Variants in FAM184B observed in about 807,000 individuals in gnomAD.
FAM184B encodes the protein protein FAM184B.
Under a neutral mutation model 135.9 loss-of-function variants are expected in FAM184B, and 111 were observed. The ratio of observed to expected loss-of-function variants is 0.82; its 90% CI spans 0.70 to 0.96. The LOEUF is 0.96. Among genes scored for constraint, FAM184B ranks in the 40% least tolerant of loss-of-function variants. The pLI, the probability that FAM184B is intolerant of heterozygous loss-of-function variation, is 0.00. For missense variants in FAM184B, 1,375 were observed against 1,323.9 expected, an observed-to-expected ratio of 1.04 and a Z score of -0.60; for synonymous variants, 552 against 524.8, an observed-to-expected ratio of 1.05 and a Z score of -0.71.
chr4:17,707,466 G>A (rs899302984), intron 3 of FAM184B, among the ~76,000 whole-genome samples, 183 bp downstream of exon 3: 2 of 152,142 alleles, frequency 1.3e-5, no homozygotes, highest in African/African-American at 2.4e-5. Flanking sequence ...CTCCAGGTGA[G>A]GCAGCTGTAG....
chr4:17,670,668 T>A (rs1017726527), intron 7 of FAM184B, among the ~76,000 whole-genome samples: 1 of 152,224 alleles, frequency 6.6e-6, no homozygotes, highest in African/African-American at 2.4e-5. Context: ...ATACATTATC[T>A]CATGGATGCA....
chr4:17,653,076 C>G (rs1457389774), intron 10 of FAM184B, 93 bp from the exon 11 acceptor site: 1 of 1,244,804 alleles, frequency 8.0e-7, no homozygotes, highest in Non-Finnish European at 1.1e-6. Context: ...CCAGGATGCT[C>G]TGAACACTCG....
chr4:17,744,461 TCA>T (rs57912683), intron 1 of FAM184B, among the ~76,000 whole-genome samples: 1,870 of 140,952 alleles, frequency 0.013, 26 homozygotes, highest in African/African-American at 0.036. Flanking sequence ...TCTCTCTCTC[TCA>T]CACACACACA....
Position 17,713,308 on chromosome 4 carries a change from C to A in FAM184B, c.142-3664G>T, listed in dbSNP as rs530252791. The stretch of plus-strand genomic sequence containing the variant: ...TACCTTGAGGACCATGAATCCAACA[C>A]TCTGTCATGGACAGGAGAAGGAAGT... On this transcript the variant is annotated intron_variant, in intron 1 of 17. Transcript: ENST00000265018. 2.6e-5 allele frequency among the ~76,000 whole-genome samples: 4 copies of A among 152,336 alleles called. No individual in the cohort carries two copies. The South Asian group carries it at 8.3e-4, about 32-fold the overall frequency.
chr4:17,647,235 G>C (rs1715492305), intron 12 of FAM184B, among the ~76,000 whole-genome samples: 1 of 147,700 alleles, frequency 6.8e-6, no homozygotes, highest in South Asian at 2.1e-4. Flanking sequence ...GAATGACCAA[G>C]TACCCAGAGC....
At chr4:17,638,006 C>T (rs1310993989) in intron 14 of FAM184B, among the ~76,000 whole-genome samples, 3 of 151,536 alleles carry the variant, frequency 2.0e-5, no homozygotes, top group East Asian at 1.9e-4. Context: ...TCACTGATGC[C>T]TCAGGAGTGC....
At chr4:17,712,362 A>G (rs1358580967) in intron 1 of FAM184B, among the ~76,000 whole-genome samples, 1 of 152,208 alleles carries the variant, frequency 6.6e-6, no homozygotes, top group Admixed American at 6.5e-5. Flanking sequence ...CCTCACTGAG[A>G]ACAATGCAAG....
rs778785791 is a variant in FAM184B, at chr4:17,636,548, CCTCT to C, written c.2760_2763del (p.Glu921ThrfsTer37). On this transcript the variant is annotated frameshift_variant, in exon 15 of 18. Transcript: ENST00000265018. LOFTEE classifies it high-confidence loss of function. ...CTCACCGTGAGCTGCTTGATGATGT[CCTCT>C]CTCTCCTTCAGGCGGGTCTGCAGGC... 17 of 1,550,934 alleles carry C rather than the reference CCTCT, an allele frequency of 1.1e-5. No homozygotes were observed. The highest frequency in any genetic ancestry group is 2.0e-5 in the Admixed American group (1 of 50,996).
chr4:17,699,395 T>C (rs1716934054), intron 5 of FAM184B, among the ~76,000 whole-genome samples: 3 of 152,026 alleles, frequency 2.0e-5, no homozygotes, highest in Admixed American at 2.0e-4. Flanking sequence ...AATCACATCA[T>C]GGCATATCAT....
intron 10 of FAM184B, among the ~76,000 whole-genome samples, chr4:17,657,553 G>A (rs779306288): frequency 2.0e-5 from 3 of 152,068 alleles, no homozygotes; most frequent in Non-Finnish European, 2.9e-5. Flanking sequence ...GGTAGAAGGC[G>A]CTGGATGAAA....
At chr4:17,688,301 TGG>T in intron 7 of FAM184B, 121 bp downstream of exon 7, 1 of 664,554 alleles carries the variant, frequency 1.5e-6, no homozygotes, top group Middle Eastern at 4.0e-4. Flanking sequence ...CCGGGCATTT[TGG>T]CAGTGTCGAG....
At chr4:17,640,316 CAAAAA>C (rs376386841) in intron 13 of FAM184B, among the ~76,000 whole-genome samples, 292 of 133,856 alleles carry the variant, frequency 2.2e-3, no homozygotes, top group African/African-American at 5.0e-3. Flanking sequence ...ACTAAAAATA[CAAAAA>C]AAAAAAAAAA....
Position 17,642,147 on chromosome 4 carries a change from C to T in FAM184B, c.2428G>A (p.Glu810Lys). The T allele has an allele frequency of 1.3e-6, 2 of 1,533,648 alleles. No individual in the cohort carries two copies. The highest frequency in any genetic ancestry group is 1.7e-6 in the Non-Finnish European group (2 of 1,145,562). ...ACCGCGTCCTGGAGCTGCGCGTTCT[C>T]CTCCCAGAGCCCGCATCCCTCGCCG... Reference protein sequence around the residue: ...GSGEGCGLWEENAQLQDAVRR... With the variant: ...GSGEGCGLWEKNAQLQDAVRR... The change falls in exon 13 of 18, where the codon GAG (glutamate) becomes AAG (lysine). Residue 810 changes from glutamate to lysine, a missense_variant. Glu to Lys is a moderately conservative substitution (Grantham distance 56). Transcript: ENST00000265018.
At chr4:17,646,907 A>G (rs909153051) in intron 12 of FAM184B, among the ~76,000 whole-genome samples, 2 of 151,904 alleles carry the variant, frequency 1.3e-5, no homozygotes, top group African/African-American at 4.8e-5. Flanking sequence ...AGGAAGAGGA[A>G]AGAGAGTTGG....
intron 11 of FAM184B, among the ~76,000 whole-genome samples, chr4:17,649,893 T>TATC (rs1715566048): frequency 7.9e-6 from 1 of 126,110 alleles, no homozygotes; most frequent in South Asian, 2.4e-4. Flanking sequence ...CCCATCTATC[T>TATC]GTCTACCCAT....
intron 12 of FAM184B, among the ~76,000 whole-genome samples, chr4:17,647,410 G>C (rs148654949): frequency 6.6e-6 from 1 of 152,110 alleles, no homozygotes; most frequent in Non-Finnish European, 1.5e-5. Flanking sequence ...ACCACGCCCA[G>C]CTAATTTTCA....
At chr4:17,648,160 C>A (rs1030396501) in intron 11 of FAM184B, among the ~76,000 whole-genome samples, 10 of 152,036 alleles carry the variant, frequency 6.6e-5, no homozygotes, top group African/African-American at 2.2e-4. Flanking sequence ...TGCTTGCCCT[C>A]TACTGGTTGG....
intron 7 of FAM184B, 21 bp from the exon 8 acceptor site, chr4:17,664,680 G>GA (rs34424676): frequency 0.18 from 177,890 of 996,162 alleles, 92 homozygotes; most frequent in East Asian, 0.19. Flanking sequence ...AAAAGAAAAA[G>GA]AAAAAAAAAA....
intron 8 of FAM184B, among the ~76,000 whole-genome samples, chr4:17,662,646 C>T (rs773339778): frequency 1.1e-4 from 17 of 152,172 alleles, no homozygotes; most frequent in Non-Finnish European, 2.1e-4. Context: ...CAATGTTTTT[C>T]GTTTCTTTTA....
Sources: gnomAD v4.1 joint callset for allele counts (sites outside exome capture counted in the v4.1 genomes callset) on GRCh38, gnomAD v4.1.1 for gene constraint, MANE v1.5 for transcripts, NCBI Gene and HGNC (gene_info 2026-07-23, HGNC 2026-07-21) for gene names.